SCFD2: variants seen among roughly 807,000 people sequenced by gnomAD.
SCFD2 encodes sec1 family domain containing 2.
SCFD2 carries 54 observed loss-of-function variants against 58.9 expected under a neutral mutation model. That is an observed-to-expected ratio of 0.92 (90% CI 0.74 to 1.15). SCFD2 has a LOEUF of 1.15. Among genes scored for constraint, SCFD2 ranks in the 50% most tolerant of loss-of-function variants. SCFD2 has a pLI of 0.00. For missense variants in SCFD2, 805 were observed against 836.6 expected (o/e 0.96, Z 0.47); for synonymous variants, 321 against 335.9 (o/e 0.96, Z 0.49).
chr4:53,084,095 G>A (rs1307008130), intron 5 of SCFD2, among the ~76,000 whole-genome samples: 1 of 152,132 alleles, frequency 6.6e-6, no homozygotes, highest in Admixed American at 6.6e-5. Flanking sequence ...AAATTTACCA[G>A]GGTGGAGTTT....
At chr4:52,979,467 T>C (rs1418042573) in intron 5 of SCFD2, among the ~76,000 whole-genome samples, 2 of 152,144 alleles carry the variant, frequency 1.3e-5, no homozygotes, top group South Asian at 2.1e-4. Context: ...CATTTTTATG[T>C]ACCGTATTTC....
At chr4:52,936,617 T>C (rs1004184640) in intron 5 of SCFD2, among the ~76,000 whole-genome samples, 1 of 152,192 alleles carries the variant, frequency 6.6e-6, no homozygotes, top group Non-Finnish European at 1.5e-5. Flanking sequence ...CAAGCCTTGG[T>C]GAACACCATT....
chr4:52,995,036 G>T (rs1721710963), intron 5 of SCFD2, among the ~76,000 whole-genome samples: 1 of 152,098 alleles, frequency 6.6e-6, no homozygotes, highest in South Asian at 2.1e-4. Context: ...TCAGGGGGGT[G>T]GCATGGGGAT....
At chr4:52,982,926 T>C (rs551466099) in intron 5 of SCFD2, among the ~76,000 whole-genome samples, 241 of 152,268 alleles carry the variant, frequency 1.6e-3, no homozygotes, top group Non-Finnish European at 2.7e-3. Context: ...GCAGTAAATA[T>C]TTTCAGAAAA....
chr4:52,904,146 C>T (rs1009855117), intron 7 of SCFD2, among the ~76,000 whole-genome samples: 3 of 152,140 alleles, frequency 2.0e-5, no homozygotes, highest in Admixed American at 6.5e-5. Flanking sequence ...ACCCTGCTTC[C>T]GGGTGTCCCT....
Position 53,026,594 on chromosome 4 carries a change from G to A in SCFD2, c.1562-105724C>T, listed in dbSNP as rs1722479193. 2.6e-5 allele frequency among the ~76,000 whole-genome samples: 4 copies of A among 152,188 alleles called. No homozygotes were observed. The South Asian group carries it at 8.3e-4, about 32-fold the overall frequency. On this transcript the variant is annotated intron_variant, in intron 5 of 8. Transcript: ENST00000401642. The stretch of plus-strand genomic sequence containing the variant: ...AGGGCTGAATTAATCTTGCCAGCTA[G>A]GGACATGTGGATAAAATTACAGTGA...
At chr4:53,254,837 T>G (rs1299044371) in intron 4 of SCFD2, among the ~76,000 whole-genome samples, 2 of 137,546 alleles carry the variant, frequency 1.5e-5, no homozygotes, top group African/African-American at 5.9e-5. Flanking sequence ...TTTATTTTAT[T>G]TTATTTTATT....
Position 53,207,502 on chromosome 4 carries a change from T to TATAAATATATATATAA in SCFD2, c.1312-61921_1312-61920insTTATATATATATTTAT, listed in dbSNP as rs1560385123. Among the ~76,000 whole-genome samples the TATAAATATATATATAA allele has an allele frequency of 1.9e-3, 74 of 39,110 alleles. 4 individuals carry two copies. The highest frequency in any genetic ancestry group is 7.0e-3 in the African/African-American group (53 of 7,586). The allele number at this position is 39,110 out of a possible 152,430, so 25.7% of individuals were successfully genotyped here. A position where few individuals can be genotyped will look rare whatever the true frequency, so the allele number is the denominator to read the frequency against. On this transcript the variant is annotated intron_variant, in intron 4 of 8. Transcript: ENST00000401642. ...ATATTATATATATATTTCATATATA[T>TATAAATATATATATAA]ATATTATATATATTATATATATAAT...
intron 4 of SCFD2, among the ~76,000 whole-genome samples, chr4:53,219,773 G>A (rs1168770365): frequency 6.6e-6 from 1 of 152,024 alleles, no homozygotes; most frequent in East Asian, 1.9e-4. Flanking sequence ...CGGCCCTCTT[G>A]GAACCGCCCC....
chr4:53,210,953 A>T lies in SCFD2; in HGVS notation c.1311+62873T>A, dbSNP rs560009570. Among the ~76,000 whole-genome samples the T allele has an allele frequency of 4.6e-5, 7 of 151,712 alleles. 1 individual carries two copies. Among genetic ancestry groups the T allele is most frequent in the African/African-American group, 1.7e-4 (7 of 41,266 alleles). On this transcript the variant is annotated intron_variant, in intron 4 of 8. Coordinates refer to ENST00000401642, the MANE Select transcript of SCFD2 (RefSeq NM_152540.4). ...CTGCCCTCAAGAAGCCTCCATAAAA[A>T]CCCAAGACGGGCCAGGCATGGTGGC...
chr4:53,041,679 C>T (rs1228176035), intron 5 of SCFD2, among the ~76,000 whole-genome samples: 1 of 152,110 alleles, frequency 6.6e-6, no homozygotes, highest in Non-Finnish European at 1.5e-5. Flanking sequence ...AAGTGTTCAC[C>T]TTGTACATGT....
chr4:53,255,449 C>A (rs1164246525), intron 4 of SCFD2, among the ~76,000 whole-genome samples: 1 of 152,016 alleles, frequency 6.6e-6, no homozygotes, highest in Non-Finnish European at 1.5e-5. Context: ...ATCTGTTTAA[C>A]AAAGCACATC....
At chr4:52,889,141 T>A (rs1313901025) in intron 7 of SCFD2, among the ~76,000 whole-genome samples, 1 of 152,350 alleles carries the variant, frequency 6.6e-6, no homozygotes, top group East Asian at 1.9e-4. Context: ...TACTTCCACA[T>A]TAGATCGCTG....
chr4:53,285,267 C>A (rs1731629681), intron 3 of SCFD2, among the ~76,000 whole-genome samples: 1 of 152,094 alleles, frequency 6.6e-6, no homozygotes, highest in Non-Finnish European at 1.5e-5. Context: ...ATAAACTCAG[C>A]AGATAACATG....
intron 2 of SCFD2, among the ~76,000 whole-genome samples, chr4:53,340,739 C>T (rs551380472): frequency 6.6e-6 from 1 of 152,298 alleles, no homozygotes; most frequent in South Asian, 2.1e-4. Context: ...CCTCACACAG[C>T]TGGGTGCCTC....
intron 5 of SCFD2, among the ~76,000 whole-genome samples, chr4:53,091,366 TAAA>T (rs77318176): frequency 4.2e-4 from 61 of 145,798 alleles, no homozygotes; most frequent in Middle Eastern, 3.4e-3. Flanking sequence ...GAAACTAGGT[TAAA>T]AAAAAAAAAA....
At chr4:52,917,369 A>G (rs1452038313) in intron 6 of SCFD2, among the ~76,000 whole-genome samples, 2 of 152,182 alleles carry the variant, frequency 1.3e-5, no homozygotes, top group African/African-American at 2.4e-5. Context: ...TTGGGCTATG[A>G]ACCCCGATGC....
chr4:52,957,465 A>C (rs1020465795), intron 5 of SCFD2: 4 of 152,240 alleles, frequency 2.6e-5, no homozygotes, highest in Non-Finnish European at 5.9e-5. Flanking sequence ...GTTGCTGCGA[A>C]TAGCAGTGGT....
chr4:52,954,240 T>C (rs903448016), intron 5 of SCFD2, among the ~76,000 whole-genome samples: 1 of 152,224 alleles, frequency 6.6e-6, no homozygotes, highest in Non-Finnish European at 1.5e-5. Flanking sequence ...GTCTCTCACC[T>C]GCCTGTGGAG....
Sources: gnomAD v4.1 joint callset for allele counts (sites outside exome capture counted in the v4.1 genomes callset) on GRCh38, gnomAD v4.1.1 for gene constraint, MANE v1.5 for transcripts, NCBI Gene and HGNC (gene_info 2026-07-23, HGNC 2026-07-21) for gene names.